The following MATN3 variants were observed in gnomAD, a reference collection of about 807,000 sequenced individuals.
The protein encoded by MATN3 is matrilin 3.
MATN3 carries 48 observed loss-of-function variants against 45.3 expected under a neutral mutation model. The ratio of observed to expected loss-of-function variants is 1.06; its 90% confidence interval spans 0.84 to 1.35. The LOEUF (loss-of-function observed/expected upper bound fraction) is 1.35. Among genes scored for constraint, MATN3 ranks in the 40% most tolerant of loss-of-function variants. The probability of loss-of-function intolerance (pLI) is 0.00; values close to 1 mark genes in which losing one functional copy is unlikely to be tolerated. For synonymous variants in MATN3, 217 were observed against 245.9 expected (o/e 0.88, Z 1.10); for missense variants, 599 against 628.0 (o/e 0.95, Z 0.49).
chr2:19,998,987 C>T (rs1345916134), intron 5 of MATN3, among the ~76,000 whole-genome samples: 1 of 152,044 alleles, frequency 6.6e-6, no homozygotes, highest in Non-Finnish European at 1.5e-5. Flanking sequence ...CCTAACGTTG[C>T]TGTGAGTATT....
chr2:20,006,095 T>G lies in MATN3; in HGVS notation c.439A>C (p.Lys147Gln). Residue 147 changes from lysine to glutamine, a missense_variant, in exon 2 of 8, where the codon AAG becomes CAG. Transcript: ENST00000407540. ...GGTGTGATTCGACCCACGGCCTGCT[T>G]CAGGGACTGCTTATCTGTGTAGGCC... ...LQAYTDKQSL[K>Q]QAVGRITPLS... The G allele has an allele frequency of 1.2e-6, 2 of 1,614,004 alleles. No homozygotes were observed. The highest frequency in any genetic ancestry group is 2.2e-5 in the South Asian group (2 of 91,078).
chr2:20,000,620 T>G, intron 4 of MATN3, 54 bp from the exon 5 acceptor site: 1 of 1,542,328 alleles, frequency 6.5e-7, no homozygotes, highest in Non-Finnish European at 8.8e-7. Flanking sequence ...AGTATTTTAT[T>G]ACCCAGGATA....
In MATN3 at chr2:20,012,455, G is replaced by A. The variant is rs1673236669; in HGVS notation, c.177C>T (p.Gly59=). 8.1e-7 allele frequency: 1 copy of A among 1,229,298 alleles called. No individual in the cohort carries two copies. Among genetic ancestry groups the A allele is most frequent in the South Asian group, 4.1e-5 (1 of 24,330 alleles). The allele number at this position is 1,229,298 out of a possible 1,614,324, so 76.1% of individuals were successfully genotyped here. The change falls in exon 1 of 8, where the codon GGC becomes GGT. Residue 59 remains glycine, a synonymous_variant. Coordinates refer to ENST00000407540, the MANE Select transcript of MATN3 (RefSeq NM_002381.5). This position sits in a 1 kb window ranked among gnomAD's most constrained non-coding sequence, Gnocchi z 4.3. ...GRRPSPAAPD[G]APASGTSEPG... ...GCTCGCTGGTCCCGGAAGCGGGCGC[G>A]CCGTCGGGAGCCGCAGGAGAGGGGC... is the stretch of plus-strand genomic sequence containing the variant.
chr2:20,011,077 C>T (rs114641172), intron 1 of MATN3, among the ~76,000 whole-genome samples: 61 of 152,338 alleles, frequency 4.0e-4, no homozygotes, highest in African/African-American at 1.4e-3. Flanking sequence ...AAATCCATAG[C>T]GAAGCTTAGC....
chr2:20,010,070 A>AAAAAAAAAAAAAAAAAAAAAC (rs1673190159), intron 1 of MATN3, among the ~76,000 whole-genome samples: 1 of 76,850 alleles, frequency 1.3e-5, no homozygotes, highest in Non-Finnish European at 3.7e-5. Context: ...CAAATACTAA[A>AAAAAAAAAAAAAAAAAAAAAC]AAAAAAAAAA....
chr2:20,000,641 T>C (rs1262233071), intron 4 of MATN3, 75 bp from the exon 5 acceptor site: 2 of 1,423,934 alleles, frequency 1.4e-6, no homozygotes, highest in African/African-American at 2.9e-5. Context: ...GAAACCTTAT[T>C]TGCAGCTGGA....
At chr2:20,006,369 A>G in intron 1 of MATN3, 59 bp from the exon 2 acceptor site, 1 of 1,344,184 alleles carries the variant, frequency 7.4e-7, no homozygotes, top group Non-Finnish European at 9.9e-7. Flanking sequence ...CCTCACTTCC[A>G]GAGAACTCTG....
At position 20,006,174 on chromosome 2, in the gene MATN3, C is replaced by A; in HGVS notation, c.360G>T (p.Thr120=). Residue 120 remains threonine, a synonymous_variant, in exon 2 of 8, where the codon ACG becomes ACT. Coordinates refer to ENST00000407540, the MANE Select transcript of MATN3 (RefSeq NM_002381.5). ...IDTLDIGPAD[T]RVAVVNYAST... ...TAGCATAGTTCACCACTGCCACCCG[C>A]GTGTCGGCTGGCCCAATGTCCAGAG... is the stretch of plus-strand genomic sequence containing the variant. 6.2e-7 allele frequency: 1 copy of A among 1,613,962 alleles called. No homozygotes were observed. The highest frequency in any genetic ancestry group is 8.5e-7 in the Non-Finnish European group (1 of 1,179,882).
Position 20,003,276 on chromosome 2 carries a change from G to T in MATN3, c.801C>A (p.Pro267=), listed in dbSNP as rs1673025826. Reference sequence around the variant, plus strand: ...GGCACTGGTGTGTTCCAAGCACACAGGGGTCCAGCGCTGTGAGAGGAAGTT... The same window carrying T: ...GGCACTGGTGTGTTCCAAGCACACATGGGTCCAGCGCTGTGAGAGGAAGTT... The part of the protein sequence containing the change: ...RFQETFCALD[P]CVLGTHQCQH... The change falls in exon 3 of 8, where the codon CCC becomes CCA. Residue 267 remains proline, a synonymous_variant. Coordinates refer to ENST00000407540, the MANE Select transcript of MATN3 (RefSeq NM_002381.5). The T allele has an allele frequency of 6.2e-7, 1 of 1,613,308 alleles. No homozygotes were observed. The highest frequency in any genetic ancestry group is 1.7e-5 in the Admixed American group (1 of 59,968).
At chr2:20,003,539 G>A (rs966705755) in intron 2 of MATN3, among the ~76,000 whole-genome samples, 1 of 152,214 alleles carries the variant, frequency 6.6e-6, no homozygotes, top group Non-Finnish European at 1.5e-5. Context: ...TTTGGAGTTT[G>A]GAGCTGAAGC....
chr2:20,010,524 A>T (rs552145373), intron 1 of MATN3, among the ~76,000 whole-genome samples: 1 of 152,224 alleles, frequency 6.6e-6, no homozygotes, highest in Non-Finnish European at 1.5e-5. Context: ...CAGTGAGTCA[A>T]TGTAATTATA....
At chr2:20,007,764 A>T (rs1006993631) in intron 1 of MATN3, among the ~76,000 whole-genome samples, 2 of 152,202 alleles carry the variant, frequency 1.3e-5, no homozygotes, top group African/African-American at 4.8e-5. Context: ...AGATAGCCAG[A>T]TTTCCCACCT....
At chr2:20,004,176 T>A (rs1382245217) in intron 2 of MATN3, 2 of 152,226 alleles carry the variant, frequency 1.3e-5, no homozygotes, top group Non-Finnish European at 2.9e-5. Flanking sequence ...GGCCTTTTCA[T>A]GGAATGATCT....
In MATN3 at chr2:20,005,999, C is replaced by T. The variant is rs1673097131; in HGVS notation, c.535G>A (p.Gly179Arg). Residue 179 changes from glycine (G) to arginine (R), a missense_variant, in exon 2 of 8, where the codon GGG becomes AGG. By Grantham distance (125) the Gly-to-Arg change is moderately radical. Coordinates refer to ENST00000407540, the MANE Select transcript of MATN3 (RefSeq NM_002381.5). ...AMDEAFTVEA[G>R]AREPSSNIPK... ...ATGTTAGAAGAGGGCTCTCGAGCCC[C>T]TGCCTCCACTGTGAAGGCTTCGTCC... 6.2e-7 allele frequency: 1 copy of T among 1,613,932 alleles called. No individual in the cohort carries two copies. Among genetic ancestry groups the T allele is most frequent in the African/African-American group, 1.3e-5 (1 of 74,940 alleles).
chr2:19,994,678 T>G (rs1010187265), intron 6 of MATN3, among the ~76,000 whole-genome samples: 5 of 152,172 alleles, frequency 3.3e-5, no homozygotes, highest in Non-Finnish European at 7.4e-5. Flanking sequence ...TCTCTGTACT[T>G]TTGTGATTGC....
At chr2:19,998,775 A>AAAAT (rs1553326851) in intron 5 of MATN3, among the ~76,000 whole-genome samples, 10 of 150,910 alleles carry the variant, frequency 6.6e-5, no homozygotes, top group East Asian at 1.9e-4. Flanking sequence ...AAGAAAAAAA[A>AAAAT]ATATATATAT....
chr2:19,997,392 G>T, intron 5 of MATN3, 133 bp from the exon 6 acceptor site: 1 of 857,048 alleles, frequency 1.2e-6, no homozygotes, highest in Non-Finnish European at 1.7e-6. Context: ...TCAGCAACAG[G>T]CCCCATGCTG....
chr2:20,003,116 T>C (rs1167759846), intron 3 of MATN3, 45 bp downstream of exon 3: 2 of 1,608,178 alleles, frequency 1.2e-6, no homozygotes, highest in East Asian at 4.5e-5. Flanking sequence ...GGAGCATAGG[T>C]TCCCAAGTAT....
intron 2 of MATN3, among the ~76,000 whole-genome samples, chr2:20,005,380 T>G (rs1673075548): frequency 6.6e-6 from 1 of 151,842 alleles, no homozygotes; most frequent in South Asian, 2.1e-4. Context: ...GGGAAAAAAA[T>G]GTAGTGGTGG....
Sources: allele counts gnomAD v4.1 joint callset (sites outside exome capture counted in the v4.1 genomes callset), GRCh38; gene constraint gnomAD v4.1.1; non-coding constraint Gnocchi (gnomAD v3.1); transcripts MANE v1.5; gene names NCBI Gene and HGNC (gene_info 2026-07-23, HGNC 2026-07-21).